PIK3C2B: variants seen among roughly 807,000 people sequenced by gnomAD.
PIK3C2B encodes phosphatidylinositol-4-phosphate 3-kinase catalytic subunit type 2 beta, also known as phosphatidylinositol 4-phosphate 3-kinase C2 domain-containing subunit beta.
Under a neutral mutation model 184.3 loss-of-function variants are expected in PIK3C2B, and 83 were observed. The observed-to-expected ratio is 0.45, with a 90% confidence interval of 0.38 to 0.54. PIK3C2B has a LOEUF of 0.54. Among genes scored for constraint, PIK3C2B ranks in the 20% least tolerant of loss-of-function variants. PIK3C2B has a pLI of 0.00. For missense variants in PIK3C2B, 1,736 were observed against 2,113.5 expected (o/e 0.82, Z 3.50); for synonymous variants, 779 against 837.6 (o/e 0.93, Z 1.21).
At chr1:204,427,996 G>A (rs1006097433) in intron 30 of PIK3C2B, 143 bp downstream of exon 30, 4 of 643,394 alleles carry the variant, frequency 6.2e-6, no homozygotes, top group African/African-American at 3.7e-5. Context: ...CGGCCTGAGT[G>A]GGAAACTAGA....
At chr1:204,453,051 C>T (rs1031880991) in intron 12 of PIK3C2B, among the ~76,000 whole-genome samples, 8 of 152,168 alleles carry the variant, frequency 5.3e-5, no homozygotes, top group Admixed American at 2.6e-4. Flanking sequence ...AAAGGACCCA[C>T]CTCTTCCAGC....
At position 204,441,555 on chromosome 1, in the gene PIK3C2B, G is replaced by A. The variant is rs1287969962; in HGVS notation, c.3165C>T (p.Ser1055=). The A allele has an allele frequency of 1.9e-6, 3 of 1,611,532 alleles. No homozygotes were observed. In the Admixed American group the frequency reaches 5.0e-5, roughly 27 times the overall value. Reference sequence around the variant, plus strand: ...GGGGGACAGCATTGGAGTTGAAGTAGGAACAGTCCTGCCATGGTGAAAAGA... The same window carrying A: ...GGGGGACAGCATTGGAGTTGAAGTAAGAACAGTCCTGCCATGGTGAAAAGA... ...LVKGIVPRDC[S]YFNSNAVPLK... The change falls in exon 21 of 33, where the codon TCC becomes TCT. Residue 1055 remains serine (S), a synonymous_variant. Transcript: ENST00000684373.
intron 14 of PIK3C2B, 100 bp downstream of exon 14, chr1:204,449,085 C>T: frequency 1.2e-6 from 1 of 803,706 alleles, no homozygotes; most frequent in Non-Finnish European, 2.1e-6. Flanking sequence ...GAAGTTCTAG[C>T]ACTCTCTCCT....
intron 32 of PIK3C2B, among the ~76,000 whole-genome samples, chr1:204,425,284 T>A (rs916154551): frequency 6.6e-6 from 1 of 152,104 alleles, no homozygotes; most frequent in African/African-American, 2.4e-5. Flanking sequence ...GGGCCACTGC[T>A]CATTTTCAGC....
At chr1:204,483,153 G>A (rs2103533345) in intron 1 of PIK3C2B, among the ~76,000 whole-genome samples, 1 of 152,248 alleles carries the variant, frequency 6.6e-6, no homozygotes, top group Admixed American at 6.5e-5. Flanking sequence ...CAGGCACAGT[G>A]GCTCACAACT....
At chr1:204,431,924 G>A in intron 27 of PIK3C2B, 131 bp from the exon 28 acceptor site, 2 of 1,009,444 alleles carry the variant, frequency 2.0e-6, no homozygotes, top group Non-Finnish European at 3.1e-6. Context: ...AGCAAGAGTG[G>A]AGACAGATGA....
intron 2 of PIK3C2B, among the ~76,000 whole-genome samples, chr1:204,468,169 G>A (rs1195420724): frequency 2.0e-5 from 3 of 152,176 alleles, no homozygotes; most frequent in African/African-American, 2.4e-5. Flanking sequence ...TGTGAATGTC[G>A]TCAGTGCCAC....
rs534098340 is a variant in PIK3C2B at position 204,455,335 on chromosome 1, A to AAAGGGGACC, written c.1943+512_1943+520dup. Among the ~76,000 whole-genome samples the AAAGGGGACC allele has an allele frequency of 4.0e-3, 598 of 151,322 alleles. 10 individuals carry two copies. Among genetic ancestry groups the AAAGGGGACC allele is most frequent in the African/African-American group, 0.014 (568 of 41,318 alleles). Reference sequence around the variant, plus strand: ...AGAGAGAAGGGGAAGGGGGTTGGGGAAAGGGGACCGGCAGGGGCGGGGTAG... The same window carrying AAAGGGGACC: ...AGAGAGAAGGGGAAGGGGGTTGGGGAAAGGGGACCAAGGGGACCGGCAGGGGCGGGGTAG... On this transcript the variant is annotated intron_variant, in intron 11 of 32. Coordinates refer to ENST00000684373, the MANE Select transcript of PIK3C2B (RefSeq NM_001377334.1).
chr1:204,445,196 TG>T (rs1408898401), intron 16 of PIK3C2B, among the ~76,000 whole-genome samples: 1 of 144,638 alleles, frequency 6.9e-6, no homozygotes, highest in Admixed American at 7.0e-5. Context: ...GTATAAATGT[TG>T]CCCCAAAAGA....
At position 204,476,297 on chromosome 1, in the gene PIK3C2B, G is replaced by A. The variant is rs139746977; in HGVS notation, c.-84-6411C>T. Among the ~76,000 whole-genome samples the A allele has an allele frequency of 3.4e-3, 516 of 152,280 alleles. 3 individuals are homozygous for A. Among genetic ancestry groups the A allele is most frequent in the South Asian group, 0.011 (52 of 4,826 alleles). ...ATTAGAAATTGCTCTAGGGCCAGGC[G>A]TGGTGGCTCATGTCTGTAATCCCAA... is the stretch of plus-strand genomic sequence containing the variant. On this transcript the variant is annotated intron_variant, in intron 1 of 32. Coordinates refer to ENST00000684373, the MANE Select transcript of PIK3C2B (RefSeq NM_001377334.1).
intron 1 of PIK3C2B, among the ~76,000 whole-genome samples, chr1:204,485,880 G>A: frequency 6.6e-6 from 1 of 151,960 alleles, no homozygotes; most frequent in Non-Finnish European, 1.5e-5. Flanking sequence ...TATTCATGGG[G>A]GATGTGCGAT....
At chr1:204,440,787 A>ATATATT (rs1491172483) in intron 21 of PIK3C2B, among the ~76,000 whole-genome samples, 8 of 110,462 alleles carry the variant, frequency 7.2e-5, no homozygotes, top group African/African-American at 2.4e-4. Context: ...ATATATATAT[A>ATATATT]TTTTTAGTAG....
In PIK3C2B at chr1:204,466,795, T is replaced by C. The variant is rs185100049; in HGVS notation, c.934-1476A>G. The stretch of plus-strand genomic sequence containing the variant: ...CGTTTGCCCAGCTGGCAGGCCCTGG[T>C]GGCATCACCCGATGCTGGCTGGGGG... On this transcript the variant is annotated intron_variant, in intron 2 of 32. Coordinates refer to ENST00000684373, the MANE Select transcript of PIK3C2B (RefSeq NM_001377334.1). 3.9e-3 allele frequency: 2,035 copies of C among 524,010 alleles called. 22 individuals are homozygous for C. Among genetic ancestry groups the C allele is most frequent in the African/African-American group, 0.022 (1,120 of 51,642 alleles). The allele number at this position is 524,010 out of a possible 1,614,324, so 32.5% of individuals were successfully genotyped here.
rs1024095992 is a variant in PIK3C2B, at chr1:204,427,569, C to T, written c.4587+79G>A. On this transcript the variant is annotated intron_variant, in intron 31 of 32. Coordinates refer to ENST00000684373, the MANE Select transcript of PIK3C2B (RefSeq NM_001377334.1). ...CTGTGGTGGTTACCCATATGACACG[C>T]GGCAGAGAAGGTCTGCCCAAAAAAG... The T allele has an allele frequency of 1.2e-4, 106 of 886,984 alleles. 1 individual carries two copies. Among genetic ancestry groups the T allele is most frequent in the Non-Finnish European group, 1.7e-4 (88 of 529,104 alleles). 54.9% of individuals were successfully genotyped at this position (886,984 alleles called of 1,614,324 possible). A position where few individuals can be genotyped will look rare whatever the true frequency, so the allele number is the denominator to read the frequency against.
At chr1:204,440,384 C>A in intron 21 of PIK3C2B, 63 bp from the exon 22 acceptor site, 1 of 1,505,246 alleles carries the variant, frequency 6.6e-7, no homozygotes, top group South Asian at 1.3e-5. Context: ...TCAGGTCTCC[C>A]AAGTGCTCAA....
chr1:204,448,866 G>C lies in PIK3C2B; in HGVS notation c.2346+319C>G, dbSNP rs116128451. Among the ~76,000 whole-genome samples the C allele has an allele frequency of 7.9e-4, 120 of 152,220 alleles. 1 individual carries two copies. Among genetic ancestry groups the C allele is most frequent in the African/African-American group, 2.8e-3 (118 of 41,532 alleles). On this transcript the variant is annotated intron_variant, in intron 14 of 32. Transcript: ENST00000684373. ...TCAGGCCCCAAGAGGACCCAGGTCA[G>C]GTTTGATCAGACTTAGACGTATGAA... is the stretch of plus-strand genomic sequence containing the variant.
chr1:204,438,245 C>A (rs182789665), intron 23 of PIK3C2B, among the ~76,000 whole-genome samples: 104 of 152,304 alleles, frequency 6.8e-4, no homozygotes, highest in African/African-American at 2.4e-3. Context: ...GTGATTTGTT[C>A]CTTCCCAGTG....
rs1227866664 is a variant in PIK3C2B, at chr1:204,443,556, C to T, written c.2909G>A (p.Arg970His). 1.2e-6 allele frequency: 2 copies of T among 1,614,226 alleles called. No individual in the cohort carries two copies. Among genetic ancestry groups the T allele is most frequent in the Non-Finnish European group, 8.5e-7 (1 of 1,180,032 alleles). ...TAAGGCTGCCAGCAGATACTGGTAG[C>T]GGATGCTGAACTGAGAGTCCTTGAG... ...DGLKDSQFSIRYQYLLAALLC... is the reference protein window; with the variant it reads ...DGLKDSQFSIHYQYLLAALLC... Residue 970 changes from arginine (R) to histidine (H), a missense_variant, in exon 19 of 33, where the codon CGC becomes CAC. Around this residue, in one of 8 missense-constraint regions of PIK3C2B, gnomAD observed 289 missense variants for 380.4 expected, o/e 0.76. Coordinates refer to ENST00000684373, the MANE Select transcript of PIK3C2B (RefSeq NM_001377334.1).
At chr1:204,478,260 C>T (rs186090029) in intron 1 of PIK3C2B, among the ~76,000 whole-genome samples, 3 of 152,130 alleles carry the variant, frequency 2.0e-5, no homozygotes, top group Admixed American at 6.5e-5. Context: ...CTCACCCATA[C>T]CCCCAATCCC....
Sources: allele counts gnomAD v4.1 joint callset (sites outside exome capture counted in the v4.1 genomes callset), GRCh38; gene constraint gnomAD v4.1.1; regional missense constraint gnomAD v4.1.1; transcripts MANE v1.5; gene names NCBI Gene and HGNC (gene_info 2026-07-23, HGNC 2026-07-21).